The following PRDM7 variants were observed in gnomAD, a reference collection of about 807,000 sequenced individuals.
PRDM7 encodes the protein histone-lysine N-methyltransferase PRDM7.
PRDM7 carries 52 observed loss-of-function variants against 64.3 expected under a neutral mutation model. The observed-to-expected ratio is 0.81, with a 90% CI of 0.65 to 1.02. The LOEUF is 1.02. Among genes scored for constraint, PRDM7 ranks in the 50% least tolerant of loss-of-function variants. The probability of loss-of-function intolerance (pLI) is 0.00; values close to 1 mark genes in which losing one functional copy is unlikely to be tolerated. For synonymous variants in PRDM7, 192 were observed against 210.1 expected (o/e 0.91, Z 0.74); for missense variants, 574 against 597.1 (o/e 0.96, Z 0.40).
intron 5 of PRDM7, among the ~76,000 whole-genome samples, chr16:90,064,115 T>C (rs2037831510): frequency 6.6e-6 from 1 of 152,128 alleles, no homozygotes; most frequent in Non-Finnish European, 1.5e-5. Context: ...TAGTAGACTT[T>C]TGATGGAAGG....
Position 90,057,738 on chromosome 16 carries a change from A to T in PRDM7, c.*551T>A. ...CTCTCGGGGAATGTAAGGGGTTAGC[A>T]GACTTTCGCTGAAGCCACCTCAGAG... On this transcript the variant is annotated 3_prime_UTR_variant, in exon 11 of 11. Coordinates refer to ENST00000449207, the MANE Select transcript of PRDM7 (RefSeq NM_001098173.2). 4 of 1,265,462 alleles carry T rather than the reference A, an allele frequency of 3.2e-6. No homozygotes were observed. The South Asian group carries it at 5.6e-5, about 18-fold the overall frequency. The allele number at this position is 1,265,462 out of a possible 1,614,324, so 78.4% of individuals were successfully genotyped here. A position where few individuals can be genotyped will look rare whatever the true frequency, so the allele number is the denominator to read the frequency against.
In PRDM7 at chr16:90,075,691, G is replaced by C. The variant is rs527620409; in HGVS notation, c.69+151C>G. The C allele has an allele frequency of 6.0e-5, 74 of 1,238,124 alleles. No individual in the cohort carries two copies. Among genetic ancestry groups the C allele is most frequent in the Non-Finnish European group, 8.5e-5 (74 of 873,886 alleles). The allele number at this position is 1,238,124 out of a possible 1,614,324, so 76.7% of individuals were successfully genotyped here. ...ACACAGAGCAGTCGCTGATGCTAGTGTTCTTTTCTCCCCCATGTCCTGGCC... is the reference window on the plus strand; with the variant it reads ...ACACAGAGCAGTCGCTGATGCTAGTCTTCTTTTCTCCCCCATGTCCTGGCC... On this transcript the variant is annotated intron_variant, in intron 2 of 10. Transcript: ENST00000449207. The surrounding 1 kb of genome is among the most constrained non-coding windows in gnomAD (Gnocchi z 4.3).
intron 9 of PRDM7, among the ~76,000 whole-genome samples, chr16:90,061,068 C>A (rs1405492519): frequency 6.6e-6 from 1 of 152,172 alleles, no homozygotes; most frequent in East Asian, 1.9e-4. Context: ...TCTGATAGAA[C>A]GACAGCCCAT....
chr16:90,061,400 G>T, intron 9 of PRDM7, 52 bp downstream of exon 9: 2 of 1,522,052 alleles, frequency 1.3e-6, no homozygotes, highest in East Asian at 2.2e-5. Context: ...GGAAGTCCGG[G>T]TTTGTGAGAG....
At chr16:90,066,024 T>A (rs2151309162) in intron 5 of PRDM7, among the ~76,000 whole-genome samples, 2 of 151,308 alleles carry the variant, frequency 1.3e-5, no homozygotes, top group South Asian at 4.1e-4. Flanking sequence ...CCAAATAACA[T>A]GACAGTTCCC....
rs1243438947 is a variant in PRDM7, at chr16:90,077,307, C to G, written c.-167G>C. On this transcript the variant is annotated 5_prime_UTR_variant, in exon 1 of 11. Coordinates refer to ENST00000449207, the MANE Select transcript of PRDM7 (RefSeq NM_001098173.2). ...CTCCTGCCGCGGTGTTCACCCTGGC[C>G]GGGCGTCTTCTCGGAGCCGCTCAGG... is the stretch of plus-strand genomic sequence containing the variant. 1 of 152,282 alleles carries G rather than the reference C, an allele frequency of 6.6e-6. No homozygotes were observed. Among genetic ancestry groups the G allele is most frequent in the African/African-American group, 2.4e-5 (1 of 41,450 alleles). 9.4% of individuals were successfully genotyped at this position (152,282 alleles called of 1,614,324 possible). A position where few individuals can be genotyped will look rare whatever the true frequency, so the allele number is the denominator to read the frequency against.
At chr16:90,064,193 G>A (rs1417442852) in intron 5 of PRDM7, among the ~76,000 whole-genome samples, 3 of 152,146 alleles carry the variant, frequency 2.0e-5, no homozygotes, top group South Asian at 2.1e-4. Context: ...AGTAAGGTTC[G>A]GAACAGAACA....
intron 4 of PRDM7, among the ~76,000 whole-genome samples, chr16:90,067,728 C>T (rs1377257058): frequency 6.7e-6 from 1 of 149,990 alleles, no homozygotes; most frequent in Non-Finnish European, 1.5e-5. Context: ...GTAGCTGGGA[C>T]TGCAGGTGCC....
At chr16:90,074,025 A>T (rs547157269) in intron 4 of PRDM7, among the ~76,000 whole-genome samples, 1 of 151,688 alleles carries the variant, frequency 6.6e-6, no homozygotes, top group East Asian at 2.0e-4. Context: ...ACTTCAAGTG[A>T]TATGGTTGCC....
rs898485015 is a variant in PRDM7 at position 90,075,998 on chromosome 16, G to A, written c.-85-3C>T. 6.2e-6 allele frequency: 9 copies of A among 1,456,478 alleles called. No individual in the cohort carries two copies. The African/African-American group carries it at 1.3e-4, about 21-fold the overall frequency. 90.2% of individuals were successfully genotyped at this position (1,456,478 alleles called of 1,614,324 possible). A position where few individuals can be genotyped will look rare whatever the true frequency, so the allele number is the denominator to read the frequency against. On this transcript the variant is annotated splice_polypyrimidine_tract_variant and splice_region_variant and intron_variant, in intron 1 of 10. Transcript: ENST00000449207. This position sits in a 1 kb window ranked among gnomAD's most constrained non-coding sequence, Gnocchi z 4.3. ...CCCAGCTCCTAGGCCAAAGGCTCCT[G>A]TGGAAGGAGAAGGTGCTGAGATGGG...
rs2037688756 is a variant in PRDM7 at position 90,056,592 on chromosome 16, C to T, written c.*1697G>A. 1 of 152,138 alleles carries T rather than the reference C, an allele frequency of 6.6e-6. No individual in the cohort carries two copies. Among genetic ancestry groups the T allele is most frequent in the Non-Finnish European group, 1.5e-5 (1 of 68,032 alleles). The allele number at this position is 152,138 out of a possible 1,614,324, so 9.4% of individuals were successfully genotyped here. A position where few individuals can be genotyped will look rare whatever the true frequency, so the allele number is the denominator to read the frequency against. ...TAAAGAAGGAAGCGGTTTATTCGGC[C>T]AGGAGCATCAGCAAGACTGCTGTCT... On this transcript the variant is annotated 3_prime_UTR_variant, in exon 11 of 11. Coordinates refer to ENST00000449207, the MANE Select transcript of PRDM7 (RefSeq NM_001098173.2).
chr16:90,074,916 C>T lies in PRDM7; in HGVS notation c.301G>A (p.Val101Ile). ...AAATCCTCCTTCCCTTCCCTCTTACCTTGCTGCCTAGGTGTCCATTCTTCA... is the reference window on the plus strand; with the variant it reads ...AAATCCTCCTTCCCTTCCCTCTTACTTTGCTGCCTAGGTGTCCATTCTTCA... ...SDEEWTPRQQVKPPWMAFRGE... is the reference protein window; with the variant it reads ...SDEEWTPRQQIKPPWMAFRGE... The change falls in exon 4 of 11, where the codon GTC (valine) becomes ATC (isoleucine). Residue 101 changes from valine to isoleucine, a missense_variant and splice_region_variant. Transcript: ENST00000449207. 1.9e-6 allele frequency: 3 copies of T among 1,613,780 alleles called. No homozygotes were observed. Among genetic ancestry groups the T allele is most frequent in the South Asian group, 2.2e-5 (2 of 91,026 alleles).
intron 4 of PRDM7, among the ~76,000 whole-genome samples, chr16:90,071,906 T>C (rs1296019354): frequency 1.3e-5 from 2 of 152,052 alleles, no homozygotes; most frequent in African/African-American, 2.4e-5. Flanking sequence ...TTAAAAAGAA[T>C]TAAAGGCTGG....
At chr16:90,071,772 A>T (rs1396693960) in intron 4 of PRDM7, among the ~76,000 whole-genome samples, 1 of 152,226 alleles carries the variant, frequency 6.6e-6, no homozygotes, top group Non-Finnish European at 1.5e-5. Context: ...CACACATTCA[A>T]ACCATAGTAG....
At chr16:90,060,858 G>A (rs1293817713) in intron 9 of PRDM7, among the ~76,000 whole-genome samples, 7 of 152,094 alleles carry the variant, frequency 4.6e-5, no homozygotes, top group Non-Finnish European at 7.4e-5. Context: ...GCTTGATCAC[G>A]TTGCTCTGCT....
At chr16:90,071,921 G>C (rs894205810) in intron 4 of PRDM7, among the ~76,000 whole-genome samples, 1 of 152,152 alleles carries the variant, frequency 6.6e-6, no homozygotes, top group Non-Finnish European at 1.5e-5. Context: ...GGCTGGGCGC[G>C]GTGGCTCATG....
chr16:90,074,985 T>C lies in PRDM7; in HGVS notation c.232A>G (p.Arg78Gly). The C allele has an allele frequency of 6.2e-7, 1 of 1,614,150 alleles. No homozygotes were observed. Among genetic ancestry groups the C allele is most frequent in the Non-Finnish European group, 8.5e-7 (1 of 1,180,028 alleles). Residue 78 changes from arginine (R) to glycine (G), a missense_variant, in exon 4 of 11, where the codon AGG becomes GGG. Transcript: ENST00000449207. ...TCCACCTGGAGTTTGATGGCCTGCCTTCGGTGACACATGAAAGCTGGTCGA... is the reference window on the plus strand; with the variant it reads ...TCCACCTGGAGTTTGATGGCCTGCCCTCGGTGACACATGAAAGCTGGTCGA... ...ATRPAFMCHR[R>G]QAIKLQVDDT...
intron 5 of PRDM7, among the ~76,000 whole-genome samples, chr16:90,064,636 A>C (rs1299574289): frequency 2.1e-5 from 3 of 142,582 alleles, no homozygotes; most frequent in Admixed American, 6.9e-5. Context: ...CTGGTCTAGA[A>C]CTCCTCACCT....
intron 4 of PRDM7, among the ~76,000 whole-genome samples, chr16:90,070,575 G>T (rs937175733): frequency 6.6e-6 from 1 of 150,870 alleles, no homozygotes; most frequent in Non-Finnish European, 1.5e-5. Context: ...ACAGAATGAG[G>T]CTGTCTAAAA....
Sources: gnomAD v4.1 joint callset for allele counts (sites outside exome capture counted in the v4.1 genomes callset) on GRCh38, gnomAD v4.1.1 for gene constraint, Gnocchi (gnomAD v3.1) non-coding constraint, MANE v1.5 for transcripts, NCBI Gene and HGNC (gene_info 2026-07-23, HGNC 2026-07-21) for gene names.